Variants in CA10 observed in about 807,000 individuals in gnomAD.
The protein encoded by CA10 is carbonic anhydrase 10 (inactive), also known as carbonic anhydrase-related protein 10.
CA10 carries 14 observed loss-of-function variants against 44.2 expected under a neutral mutation model. The ratio of observed to expected loss-of-function variants is 0.32; its 90% CI spans 0.21 to 0.50. The LOEUF is 0.50. Among genes scored for constraint, CA10 ranks in the 20% least tolerant of loss-of-function variants. The probability of loss-of-function intolerance (pLI) is 0.99; values close to 1 mark genes in which losing one functional copy is unlikely to be tolerated. For synonymous variants in CA10, 159 were observed against 141.6 expected, an observed-to-expected ratio of 1.12 and a Z score of -0.87; for missense variants, 350 against 409.7, an observed-to-expected ratio of 0.85 and a Z score of 1.26.
At chr17:51,700,118 T>C (rs1915542637) in intron 4 of CA10, among the ~76,000 whole-genome samples, 1 of 152,170 alleles carries the variant, frequency 6.6e-6, no homozygotes, top group Admixed American at 6.5e-5. Flanking sequence ...AGAACTAGAC[T>C]GGGAATCCCA....
At chr17:51,843,175 G>A (rs754395239) in intron 3 of CA10, among the ~76,000 whole-genome samples, 8 of 152,172 alleles carry the variant, frequency 5.3e-5, no homozygotes, top group Non-Finnish European at 7.3e-5. Flanking sequence ...TGAAGACAGC[G>A]AGGAACTCCA....
At chr17:52,137,466 C>T (rs1383912971) in intron 1 of CA10, among the ~76,000 whole-genome samples, 1 of 152,168 alleles carries the variant, frequency 6.6e-6, no homozygotes, top group African/African-American at 2.4e-5. Flanking sequence ...TCTTGACATC[C>T]TAACTCCCAT....
intron 2 of CA10, among the ~76,000 whole-genome samples, chr17:52,022,366 C>T (rs1408751847): frequency 6.6e-6 from 1 of 152,082 alleles, no homozygotes; most frequent in Non-Finnish European, 1.5e-5. Context: ...ATATGATCAT[C>T]TTGATAGACA....
At chr17:51,813,943 T>G (rs1907470592) in intron 3 of CA10, among the ~76,000 whole-genome samples, 1 of 152,224 alleles carries the variant, frequency 6.6e-6, no homozygotes, top group Admixed American at 6.5e-5. Context: ...TATGCCACTG[T>G]TTAATTTTCT....
At chr17:51,802,309 AGC>A (rs1906962705) in intron 3 of CA10, among the ~76,000 whole-genome samples, 1 of 152,136 alleles carries the variant, frequency 6.6e-6, no homozygotes, top group African/African-American at 2.4e-5. Flanking sequence ...ATGATAGTGG[AGC>A]AATTTATGTA....
At chr17:51,865,694 A>G (rs150993129) in intron 3 of CA10, among the ~76,000 whole-genome samples, 1 of 152,348 alleles carries the variant, frequency 6.6e-6, no homozygotes, top group Non-Finnish European at 1.5e-5. Flanking sequence ...GTGGTGAAAT[A>G]GCTTGCCTAC....
intron 1 of CA10, among the ~76,000 whole-genome samples, chr17:52,142,618 A>G (rs1016294444): frequency 7.9e-5 from 12 of 152,158 alleles, no homozygotes; most frequent in African/African-American, 2.9e-4. Flanking sequence ...AGACAAATGC[A>G]TCTACACAAA....
intron 6 of CA10, among the ~76,000 whole-genome samples, chr17:51,643,674 T>C (rs560483174): frequency 2.0e-5 from 3 of 152,328 alleles, no homozygotes; most frequent in Admixed American, 2.0e-4. Context: ...AACAAGCAAA[T>C]TCTGTTGACT....
chr17:51,998,493 G>A (rs1230370275), intron 2 of CA10, among the ~76,000 whole-genome samples: 2 of 152,062 alleles, frequency 1.3e-5, no homozygotes. Context: ...TATAAAATTA[G>A]AGCACCATCC....
chr17:51,965,056 A>G (rs1984031224), intron 2 of CA10, among the ~76,000 whole-genome samples: 1 of 152,012 alleles, frequency 6.6e-6, no homozygotes. Flanking sequence ...CAGAAACAAC[A>G]AAAGTGACAT....
chr17:51,754,890 T>C (rs1437599090), intron 3 of CA10, among the ~76,000 whole-genome samples: 1 of 152,134 alleles, frequency 6.6e-6, no homozygotes, highest in Non-Finnish European at 1.5e-5. Context: ...AAGGGTTATA[T>C]ATATAATACA....
At chr17:51,849,208 T>C (rs1336306400) in intron 3 of CA10, among the ~76,000 whole-genome samples, 1 of 38,590 alleles carries the variant, frequency 2.6e-5, no homozygotes, top group Non-Finnish European at 4.2e-5. Flanking sequence ...CATATATGTA[T>C]ATATATATAT....
intron 4 of CA10, among the ~76,000 whole-genome samples, chr17:51,701,564 G>A (rs1915605196): frequency 6.6e-6 from 1 of 152,038 alleles, no homozygotes; most frequent in South Asian, 2.1e-4. Context: ...TATATGAGCT[G>A]GTAGGATCCC....
At chr17:51,636,594 TCTG>T (rs1446652221) in intron 6 of CA10, among the ~76,000 whole-genome samples, 15 of 152,290 alleles carry the variant, frequency 9.8e-5, no homozygotes, top group African/African-American at 3.6e-4. Context: ...GTCCCTGAGA[TCTG>T]GACTCCTAGG....
rs564183538 is a variant in CA10, at chr17:51,854,244, G to A, written c.279+76746C>T. On this transcript the variant is annotated intron_variant, in intron 3 of 8. Transcript: ENST00000451037. Reference sequence around the variant, plus strand: ...TGAGAAACTGAGGCCAAGTCAATAGGTTCACAGGGCAGGGGTGGCAGCAGC... The same window carrying A: ...TGAGAAACTGAGGCCAAGTCAATAGATTCACAGGGCAGGGGTGGCAGCAGC... Among the ~76,000 whole-genome samples the A allele has an allele frequency of 5.9e-5, 9 of 152,266 alleles. No individual in the cohort carries two copies. In the South Asian group the frequency reaches 1.9e-3, roughly 32 times the overall value.
intron 4 of CA10, among the ~76,000 whole-genome samples, chr17:51,676,094 G>A (rs1914620145): frequency 6.6e-6 from 1 of 152,222 alleles, no homozygotes; most frequent in Non-Finnish European, 1.5e-5. Flanking sequence ...GAACATGTGT[G>A]TACAAGTTTT....
At chr17:51,926,147 C>T (rs956545880) in intron 3 of CA10, among the ~76,000 whole-genome samples, 4 of 152,164 alleles carry the variant, frequency 2.6e-5, no homozygotes, top group Admixed American at 2.6e-4. Flanking sequence ...GAAGAACTAT[C>T]GGTAGTTAAG....
chr17:51,830,389 T>C (rs1019002988), intron 3 of CA10, among the ~76,000 whole-genome samples: 1 of 151,838 alleles, frequency 6.6e-6, no homozygotes, highest in African/African-American at 2.4e-5. Flanking sequence ...TCTCTCTCTC[T>C]CAGATGTACC....
At chr17:52,146,700 AT>A (rs1350309511) in intron 1 of CA10, among the ~76,000 whole-genome samples, 47 of 141,064 alleles carry the variant, frequency 3.3e-4, no homozygotes, top group East Asian at 1.6e-3. Flanking sequence ...ATAAATAAAT[AT>A]AAAAAAATAA....
Sources: gnomAD v4.1 joint callset for allele counts (sites outside exome capture counted in the v4.1 genomes callset) on GRCh38, gnomAD v4.1.1 for gene constraint, MANE v1.5 for transcripts, NCBI Gene and HGNC (gene_info 2026-07-23, HGNC 2026-07-21) for gene names.